The following DGKI variants were observed in gnomAD, a reference collection of about 807,000 sequenced individuals.
DGKI encodes diacylglycerol kinase iota.
In DGKI, 55 loss-of-function variants were observed where a neutral mutation model predicts 147.5. The observed-to-expected ratio is 0.37, with a 90% CI of 0.30 to 0.47. The LOEUF (loss-of-function observed/expected upper bound fraction) is 0.47. Ranked by LOEUF, DGKI falls within the 20% of genes least tolerant of loss-of-function variation. The pLI is 1.00. For missense variants in DGKI, 1,007 were observed against 1,323.8 expected, an observed-to-expected ratio of 0.76 and a Z score of 3.71; for synonymous variants, 469 against 477.1, an observed-to-expected ratio of 0.98 and a Z score of 0.22.
chr7:137,819,676 T>TTC (rs1160194874), intron 1 of DGKI, among the ~76,000 whole-genome samples: 1 of 152,016 alleles, frequency 6.6e-6, no homozygotes, highest in Non-Finnish European at 1.5e-5. Context: ...TTGATCATGG[T>TTC]TCTCTGCACA....
chr7:137,832,397 A>G (rs925104492), intron 1 of DGKI, among the ~76,000 whole-genome samples: 11 of 152,204 alleles, frequency 7.2e-5, no homozygotes, highest in African/African-American at 2.7e-4. Context: ...CCAAACTTTG[A>G]TGCTTGACTT....
chr7:137,397,245 G>T, intron 31 of DGKI, 132 bp downstream of exon 31: 1 of 810,976 alleles, frequency 1.2e-6, no homozygotes, highest in South Asian at 2.0e-5. Context: ...GCACATTTAT[G>T]AACAAAGTTG....
chr7:137,795,098 G>A (rs911850045), intron 1 of DGKI, among the ~76,000 whole-genome samples: 1 of 152,158 alleles, frequency 6.6e-6, no homozygotes, highest in East Asian at 1.9e-4. Flanking sequence ...GAAAGTATGA[G>A]AGCAGTTGCA....
chr7:137,595,499 G>GTCCTATTC (rs1314978695), intron 12 of DGKI, among the ~76,000 whole-genome samples: 1 of 152,170 alleles, frequency 6.6e-6, no homozygotes, highest in East Asian at 1.9e-4. Context: ...ACTGGTGGCT[G>GTCCTATTC]TCCTATTCTT....
chr7:137,619,955 A>T lies in DGKI; in HGVS notation c.877-15T>A, dbSNP rs779923756. On this transcript the variant is annotated splice_polypyrimidine_tract_variant and intron_variant, in intron 7 of 32. Coordinates refer to ENST00000614521, the MANE Select transcript of DGKI (RefSeq NM_001321708.2). The stretch of plus-strand genomic sequence containing the variant: ...TTATTGTGAAACTGAAGAGAAAAAT[A>T]AGCCAGTAAACAATTCTGGTCAAAG... 6.2e-7 allele frequency: 1 copy of T among 1,601,070 alleles called. No individual in the cohort carries two copies. Among genetic ancestry groups the T allele is most frequent in the South Asian group, 1.1e-5 (1 of 90,742 alleles).
At chr7:137,623,900 A>C (rs1311679016) in intron 6 of DGKI, among the ~76,000 whole-genome samples, 1 of 152,180 alleles carries the variant, frequency 6.6e-6, no homozygotes, top group Non-Finnish European at 1.5e-5. Context: ...TTATTGGTTC[A>C]CATGGTCTTG....
At chr7:137,783,693 A>T (rs1014665416) in intron 1 of DGKI, among the ~76,000 whole-genome samples, 4 of 152,238 alleles carry the variant, frequency 2.6e-5, no homozygotes, top group African/African-American at 9.6e-5. Context: ...TCCAAAGTCC[A>T]GACAAAGGAA....
chr7:137,558,979 C>T (rs1033424209), intron 19 of DGKI, among the ~76,000 whole-genome samples: 40 of 149,500 alleles, frequency 2.7e-4, no homozygotes, highest in South Asian at 1.5e-3. Context: ...AATTCAGTTT[C>T]CTCATATGTA....
intron 5 of DGKI, among the ~76,000 whole-genome samples, chr7:137,654,121 A>T (rs1202701201): frequency 2.0e-5 from 3 of 152,168 alleles, no homozygotes; most frequent in African/African-American, 7.2e-5. Context: ...CTTCCTCTTT[A>T]CCTGTTTATC....
At chr7:137,819,025 A>G (rs1421459452) in intron 1 of DGKI, among the ~76,000 whole-genome samples, 1 of 152,188 alleles carries the variant, frequency 6.6e-6, no homozygotes, top group Non-Finnish European at 1.5e-5. Flanking sequence ...TTTCCATTTT[A>G]CAGGTGATGA....
chr7:137,413,265 C>CAA (rs35856159), intron 28 of DGKI, among the ~76,000 whole-genome samples: 13 of 92,594 alleles, frequency 1.4e-4, no homozygotes, highest in East Asian at 3.5e-4. Flanking sequence ...GACTCCATCT[C>CAA]AAAAAAAAAA....
chr7:137,557,085 G>A (rs1383434212), intron 19 of DGKI, among the ~76,000 whole-genome samples: 1 of 152,130 alleles, frequency 6.6e-6, no homozygotes, highest in African/African-American at 2.4e-5. Context: ...TAGCCTGTCA[G>A]CCTACCCTGC....
At chr7:137,571,744 TGAA>T (rs1438066145) in intron 18 of DGKI, among the ~76,000 whole-genome samples, 1 of 150,588 alleles carries the variant, frequency 6.6e-6, no homozygotes, top group African/African-American at 2.4e-5. Context: ...GAAGACAGAG[TGAA>T]GAAGAGATGA....
At chr7:137,640,132 C>T (rs73461063) in intron 6 of DGKI, among the ~76,000 whole-genome samples, 6,733 of 151,890 alleles carry the variant, frequency 0.044, 469 homozygotes, top group African/African-American at 0.14. Context: ...AGGCCTTACT[C>T]GGCTTGCATA....
intron 18 of DGKI, among the ~76,000 whole-genome samples, chr7:137,571,586 T>C (rs974046847): frequency 1.7e-4 from 26 of 152,216 alleles, no homozygotes; most frequent in Admixed American, 4.6e-4. Context: ...ATATCATGAA[T>C]TATCTATAGG....
chr7:137,591,348 G>T (rs1323312354), intron 12 of DGKI, among the ~76,000 whole-genome samples: 1 of 152,160 alleles, frequency 6.6e-6, no homozygotes, highest in Non-Finnish European at 1.5e-5. Context: ...CACCCTTGGA[G>T]TCATCAAAGG....
At chr7:137,643,638 G>T (rs147176583) in intron 6 of DGKI, among the ~76,000 whole-genome samples, 4 of 152,302 alleles carry the variant, frequency 2.6e-5, no homozygotes, top group East Asian at 3.9e-4. Context: ...CGACGGACGT[G>T]CAGCGAGCTG....
chr7:137,597,469 T>C (rs1240184622), intron 12 of DGKI, among the ~76,000 whole-genome samples: 1 of 151,972 alleles, frequency 6.6e-6, no homozygotes, highest in Non-Finnish European at 1.5e-5. Context: ...AAAAACATAA[T>C]AATTCAATTG....
At chr7:137,621,336 G>T (rs937376833) in intron 7 of DGKI, among the ~76,000 whole-genome samples, 2 of 151,950 alleles carry the variant, frequency 1.3e-5, no homozygotes, top group African/African-American at 4.8e-5. Context: ...ATTAGGGATC[G>T]CAGAGACTGC....
Sources: allele counts gnomAD v4.1 joint callset (sites outside exome capture counted in the v4.1 genomes callset), GRCh38; gene constraint gnomAD v4.1.1; transcripts MANE v1.5; gene names NCBI Gene and HGNC (gene_info 2026-07-23, HGNC 2026-07-21).